The following NRG1 variants were observed in gnomAD, a reference collection of about 807,000 sequenced individuals.
The protein encoded by NRG1 is neuregulin 1.
A neutral mutation model predicts 63.8 loss-of-function variants in NRG1; 18 were observed. The observed-to-expected ratio is 0.28, with a 90% CI of 0.19 to 0.42. The LOEUF (loss-of-function observed/expected upper bound fraction) is 0.42, where lower values mean the gene tolerates loss of function less well. NRG1 is among the 10% of genes least tolerant of loss of function. NRG1 has a pLI of 1.00. For synonymous variants in NRG1, 302 were observed against 301.3 expected, an observed-to-expected ratio of 1.00 and a Z score of -0.02; for missense variants, 762 against 814.7, an observed-to-expected ratio of 0.94 and a Z score of 0.79.
chr8:31,906,136 G>T (rs1832502544), intron 1 of NRG1, among the ~76,000 whole-genome samples: 1 of 152,178 alleles, frequency 6.6e-6, no homozygotes, highest in Non-Finnish European at 1.5e-5. Flanking sequence ...CCATGTGACT[G>T]TCATCTAGCT....
At chr8:32,109,548 A>C (rs1177796816) in intron 1 of NRG1, among the ~76,000 whole-genome samples, 1 of 152,150 alleles carries the variant, frequency 6.6e-6, no homozygotes, top group Non-Finnish European at 1.5e-5. Context: ...AATGAATTCC[A>C]GCCAGAACCA....
intron 1 of NRG1, among the ~76,000 whole-genome samples, chr8:32,266,518 C>T (rs985301550): frequency 1.3e-5 from 2 of 151,964 alleles, no homozygotes; most frequent in Non-Finnish European, 2.9e-5. Flanking sequence ...TGGGAAAACA[C>T]CATTGAGGAA....
chr8:32,072,903 C>G (rs1563754000), intron 1 of NRG1, among the ~76,000 whole-genome samples: 1 of 151,960 alleles, frequency 6.6e-6, no homozygotes, highest in Non-Finnish European at 1.5e-5. Flanking sequence ...TCTTTGTTCA[C>G]TTCTATTATT....
At chr8:31,697,294 G>A (rs1224534665) in intron 1 of NRG1, among the ~76,000 whole-genome samples, 1 of 152,092 alleles carries the variant, frequency 6.6e-6, no homozygotes, top group African/African-American at 2.4e-5. Context: ...CAAACCTTTG[G>A]TAGTTTTAAT....
At chr8:32,613,052 A>G (rs1400725128) in intron 3 of NRG1, among the ~76,000 whole-genome samples, 1 of 152,100 alleles carries the variant, frequency 6.6e-6, no homozygotes, top group African/African-American at 2.4e-5. Flanking sequence ...TCTTCATATT[A>G]CCAATTCGGA....
At chr8:32,044,119 A>T (rs1418377202) in intron 1 of NRG1, among the ~76,000 whole-genome samples, 1 of 151,980 alleles carries the variant, frequency 6.6e-6, no homozygotes, top group African/African-American at 2.4e-5. Flanking sequence ...ACTATAAACC[A>T]TGCAAACATT....
chr8:32,689,437 G>A (rs1167370337), intron 5 of NRG1, among the ~76,000 whole-genome samples: 1 of 152,046 alleles, frequency 6.6e-6, no homozygotes. Flanking sequence ...TTGGATTGAG[G>A]CAACTTAATA....
intron 1 of NRG1, among the ~76,000 whole-genome samples, chr8:32,083,511 T>G (rs1012200918): frequency 6.6e-6 from 1 of 152,188 alleles, no homozygotes; most frequent in African/African-American, 2.4e-5. Context: ...AATCCCAACC[T>G]TATCTCCCAA....
At chr8:32,580,119 A>G (rs553846607) in intron 1 of NRG1, among the ~76,000 whole-genome samples, 144 of 152,274 alleles carry the variant, frequency 9.5e-4, no homozygotes, top group African/African-American at 3.3e-3. Flanking sequence ...TTGAACATCT[A>G]TGGATTTTGG....
chr8:32,007,958 C>A (rs1814057890), intron 1 of NRG1, among the ~76,000 whole-genome samples: 1 of 151,940 alleles, frequency 6.6e-6, no homozygotes, highest in Non-Finnish European at 1.5e-5. Context: ...CAAAGCCCTA[C>A]AGGATTTAGG....
intron 1 of NRG1, among the ~76,000 whole-genome samples, chr8:31,958,609 G>A (rs1245913220): frequency 6.6e-6 from 1 of 152,192 alleles, no homozygotes; most frequent in Admixed American, 6.5e-5. Flanking sequence ...TTGCATGGCA[G>A]GAAGCTTCCT....
At chr8:31,873,519 A>G (rs766858596) in intron 1 of NRG1, among the ~76,000 whole-genome samples, 23 of 152,206 alleles carry the variant, frequency 1.5e-4, no homozygotes, top group Non-Finnish European at 3.2e-4. Context: ...AGATCAGACC[A>G]CTGCACTCCA....
At chr8:32,505,267 G>C (rs541902357) in intron 1 of NRG1, among the ~76,000 whole-genome samples, 7 of 152,266 alleles carry the variant, frequency 4.6e-5, no homozygotes, top group African/African-American at 1.7e-4. Flanking sequence ...ATTTATGCTT[G>C]TTAATTTTGT....
At chr8:32,509,357 G>T (rs1828914182) in intron 1 of NRG1, among the ~76,000 whole-genome samples, 1 of 152,144 alleles carries the variant, frequency 6.6e-6, no homozygotes. Context: ...GCCTCCCAAA[G>T]TGCTGGGATT....
At chr8:31,920,884 G>GTAGA (rs10532094) in intron 1 of NRG1, among the ~76,000 whole-genome samples, 12,753 of 147,084 alleles carry the variant, frequency 0.087, 999 homozygotes, top group African/African-American at 0.21. Flanking sequence ...AGATAGATAG[G>GTAGA]TAGATAGATA....
intron 5 of NRG1, among the ~76,000 whole-genome samples, chr8:32,659,080 A>C (rs1033841211): frequency 2.0e-5 from 3 of 150,296 alleles, no homozygotes; most frequent in African/African-American, 7.3e-5. Context: ...TAGATGTTTT[A>C]TTTGTTCACT....
intron 1 of NRG1, among the ~76,000 whole-genome samples, chr8:31,708,110 G>A (rs923635744): frequency 9.2e-5 from 14 of 152,188 alleles, no homozygotes; most frequent in South Asian, 4.2e-4. Flanking sequence ...CTGGACCTGT[G>A]AACACCACCT....
intron 1 of NRG1, among the ~76,000 whole-genome samples, chr8:32,380,102 C>G (rs1360135079): frequency 1.3e-5 from 2 of 152,124 alleles, no homozygotes; most frequent in Non-Finnish European, 2.9e-5. Flanking sequence ...CTTTTTGCTT[C>G]TATCTCCACA....
At chr8:31,971,110 CT>C (rs940841512) in intron 1 of NRG1, among the ~76,000 whole-genome samples, 17 of 151,038 alleles carry the variant, frequency 1.1e-4, no homozygotes, top group East Asian at 3.9e-4. Context: ...AAATATGTTG[CT>C]TTTTTTTTTT....
Sources: gnomAD v4.1 joint callset for allele counts (sites outside exome capture counted in the v4.1 genomes callset) on GRCh38, gnomAD v4.1.1 for gene constraint, MANE v1.5 for transcripts, NCBI Gene and HGNC (gene_info 2026-07-23, HGNC 2026-07-21) for gene names.